Variants in TMTC1 observed in about 807,000 individuals in gnomAD.
TMTC1 encodes protein O-mannosyl-transferase TMTC1.
TMTC1 carries 73 observed loss-of-function variants against 104.8 expected under a neutral mutation model. The observed-to-expected ratio is 0.70, with a 90% CI of 0.58 to 0.85. TMTC1 has a LOEUF of 0.85. Ranked by LOEUF, TMTC1 falls within the 40% of genes least tolerant of loss-of-function variation. The pLI is 0.00. For missense variants in TMTC1, 1,035 were observed against 1,096.1 expected (o/e 0.94, Z 0.79); for synonymous variants, 434 against 428.7 (o/e 1.01, Z -0.15).
intron 5 of TMTC1, among the ~76,000 whole-genome samples, chr12:29,656,645 T>A (rs949510365): frequency 6.6e-6 from 1 of 152,184 alleles, no homozygotes; most frequent in African/African-American, 2.4e-5. Flanking sequence ...AAGATATGGA[T>A]ATTAGGATAT....
At chr12:29,615,688 T>C (rs570881493) in intron 6 of TMTC1, among the ~76,000 whole-genome samples, 1 of 152,316 alleles carries the variant, frequency 6.6e-6, no homozygotes, top group East Asian at 1.9e-4. Flanking sequence ...ACATTTCTAA[T>C]TACAGCCTCC....
At chr12:29,778,671 T>C (rs887209398) in intron 1 of TMTC1, among the ~76,000 whole-genome samples, 1 of 152,240 alleles carries the variant, frequency 6.6e-6, no homozygotes, top group African/African-American at 2.4e-5. Flanking sequence ...AATCTGAGAT[T>C]TGACTGGAAA....
rs757919039 is a variant in TMTC1 at position 29,556,846 on chromosome 12, G to A, written c.1676+11C>T. The A allele has an allele frequency of 1.5e-5, 24 of 1,613,590 alleles. No individual in the cohort carries two copies. The highest frequency in any genetic ancestry group is 1.5e-4 in the African/African-American group (11 of 74,878). Reference sequence around the variant, plus strand: ...CAAGGCCACCTGATCGATGGTAAACGTCCCACTTACTTGAGGAGATTCCCC... The same window carrying A: ...CAAGGCCACCTGATCGATGGTAAACATCCCACTTACTTGAGGAGATTCCCC... On this transcript the variant is annotated intron_variant, in intron 10 of 17. Transcript: ENST00000539277.
At chr12:29,517,317 G>C in intron 14 of TMTC1, 110 bp downstream of exon 14, 2 of 1,186,026 alleles carry the variant, frequency 1.7e-6, no homozygotes, top group East Asian at 2.3e-5. Context: ...TATTCATACA[G>C]TGGATATATT....
chr12:29,588,761 A>C (rs1214386864), intron 7 of TMTC1, among the ~76,000 whole-genome samples: 1 of 152,212 alleles, frequency 6.6e-6, no homozygotes, highest in Non-Finnish European at 1.5e-5. Context: ...CATTTGAGAA[A>C]GACCTGAAAT....
At chr12:29,645,515 T>C (rs1939228284) in intron 5 of TMTC1, among the ~76,000 whole-genome samples, 2 of 152,198 alleles carry the variant, frequency 1.3e-5, no homozygotes, top group Non-Finnish European at 2.9e-5. Context: ...AGTAATCTTA[T>C]TAATAGAGAG....
intron 5 of TMTC1, among the ~76,000 whole-genome samples, chr12:29,722,552 G>A (rs988274307): frequency 6.6e-6 from 1 of 152,276 alleles, no homozygotes; most frequent in East Asian, 1.9e-4. Flanking sequence ...AGGTTAAAAA[G>A]AAAGAAGTAG....
At chr12:29,517,611 T>C (rs1944025607) in intron 13 of TMTC1, 40 bp from the exon 14 acceptor site, 8 of 1,612,566 alleles carry the variant, frequency 5.0e-6, no homozygotes, top group South Asian at 4.4e-5. Context: ...TCTCTTCTAA[T>C]AGGTACATTT....
At chr12:29,755,248 T>C (rs967340277) in intron 4 of TMTC1, among the ~76,000 whole-genome samples, 6 of 152,048 alleles carry the variant, frequency 3.9e-5, no homozygotes, top group Non-Finnish European at 8.8e-5. Flanking sequence ...GGAATTCCAA[T>C]GGGTGCCTCC....
At chr12:29,755,589 C>T (rs1335644481) in intron 4 of TMTC1, 120 bp downstream of exon 4, 4 of 825,590 alleles carry the variant, frequency 4.8e-6, no homozygotes, top group Admixed American at 2.9e-5. Flanking sequence ...ACGTGACAGT[C>T]TAAGGTGAGA....
intron 11 of TMTC1, chr12:29,534,997 C>G (rs1212264051): frequency 6.6e-6 from 1 of 152,148 alleles, no homozygotes; most frequent in African/African-American, 2.4e-5. Flanking sequence ...CTTGGAAACT[C>G]TAAGATAACT....
Position 29,755,708 on chromosome 12 carries a change from C to G in TMTC1, c.731+1G>C. 1.2e-6 allele frequency: 2 copies of G among 1,611,898 alleles called. No homozygotes were observed. Among genetic ancestry groups the G allele is most frequent in the Non-Finnish European group, 1.7e-6 (2 of 1,178,808 alleles). ...GATATCAAAACTGTAAAATGACTTA[C>G]GACTTGTCTTGCTTGTTGGAAAGGG... On this transcript the variant is annotated splice_donor_variant, in intron 4 of 17. Coordinates refer to ENST00000539277, the MANE Select transcript of TMTC1 (RefSeq NM_001193451.2). LOFTEE classifies it high-confidence loss of function.
intron 2 of TMTC1, among the ~76,000 whole-genome samples, chr12:29,759,816 A>T (rs952335533): frequency 6.6e-6 from 1 of 152,188 alleles, no homozygotes; most frequent in Non-Finnish European, 1.5e-5. Context: ...AAGCCAGGAC[A>T]ATGGGATCCC....
At chr12:29,627,111 A>G (rs1356685415) in intron 6 of TMTC1, among the ~76,000 whole-genome samples, 1 of 152,178 alleles carries the variant, frequency 6.6e-6, no homozygotes, top group Admixed American at 6.5e-5. Context: ...CAAAAAAAAT[A>G]AAAAATAAAA....
intron 6 of TMTC1, among the ~76,000 whole-genome samples, chr12:29,604,501 CCT>C (rs1312984284): frequency 6.6e-6 from 1 of 152,068 alleles, no homozygotes; most frequent in Non-Finnish European, 1.5e-5. Flanking sequence ...ACACATGTAC[CCT>C]GACACACATT....
At chr12:29,537,896 G>GA (rs1325138091) in intron 10 of TMTC1, among the ~76,000 whole-genome samples, 4 of 152,124 alleles carry the variant, frequency 2.6e-5, no homozygotes, top group Admixed American at 2.6e-4. Flanking sequence ...AGACCTTGGG[G>GA]AAAAAACCGC....
At chr12:29,734,082 G>T (rs1942611044) in intron 5 of TMTC1, among the ~76,000 whole-genome samples, 1 of 151,968 alleles carries the variant, frequency 6.6e-6, no homozygotes, top group Non-Finnish European at 1.5e-5. Context: ...CTTTTACTTT[G>T]CCCAGGTACA....
intron 6 of TMTC1, among the ~76,000 whole-genome samples, chr12:29,605,192 ATGTT>A (rs1329553751): frequency 6.6e-6 from 1 of 152,074 alleles, no homozygotes; most frequent in Non-Finnish European, 1.5e-5. Flanking sequence ...TCAACTTTTA[ATGTT>A]TCCTTTAAAC....
chr12:29,686,529 T>C (rs1266331765), intron 5 of TMTC1, among the ~76,000 whole-genome samples: 2 of 152,196 alleles, frequency 1.3e-5, no homozygotes, highest in African/African-American at 2.4e-5. Flanking sequence ...GACATTACTG[T>C]AGATGGAGCT....
Sources: allele counts gnomAD v4.1 joint callset (sites outside exome capture counted in the v4.1 genomes callset), GRCh38; gene constraint gnomAD v4.1.1; transcripts MANE v1.5; gene names NCBI Gene and HGNC (gene_info 2026-07-23, HGNC 2026-07-21).